Variants in FTO observed in about 807,000 individuals in gnomAD.
FTO encodes the protein alpha-ketoglutarate-dependent dioxygenase FTO.
Under a neutral mutation model 63.9 loss-of-function variants are expected in FTO, and 47 were observed. The ratio of observed to expected loss-of-function variants is 0.74; its 90% CI spans 0.58 to 0.94. The LOEUF (loss-of-function observed/expected upper bound fraction) is 0.94. Among genes scored for constraint, FTO ranks in the 40% least tolerant of loss-of-function variants. The pLI, the probability that FTO is intolerant of heterozygous loss-of-function variation, is 0.00. For missense variants in FTO, 562 were observed against 618.1 expected, an observed-to-expected ratio of 0.91 and a Z score of 0.96; for synonymous variants, 207 against 224.4, an observed-to-expected ratio of 0.92 and a Z score of 0.69.
At chr16:54,021,394 ATAGCCTACATGGCTATAC>A (rs2084595187) in intron 8 of FTO, among the ~76,000 whole-genome samples, 4 of 149,814 alleles carry the variant, frequency 2.7e-5, no homozygotes, top group Admixed American at 1.4e-4. Flanking sequence ...GGCTGGGTGT[ATAGCCTACATGGCTATAC>A]ATGGCCATGT....
chr16:54,006,943 G>A (rs1478572818), intron 8 of FTO, among the ~76,000 whole-genome samples: 2 of 152,186 alleles, frequency 1.3e-5, no homozygotes, highest in Non-Finnish European at 2.9e-5. Context: ...GTCAACATCG[G>A]GCTTGCTTTT....
At chr16:53,930,048 G>A (rs1170972910) in intron 7 of FTO, among the ~76,000 whole-genome samples, 2 of 152,096 alleles carry the variant, frequency 1.3e-5, no homozygotes, top group South Asian at 4.1e-4. Context: ...ATGTGATTAT[G>A]TCAAGGAAGT....
At chr16:53,865,491 A>G (rs1452490926) in intron 4 of FTO, among the ~76,000 whole-genome samples, 4 of 152,174 alleles carry the variant, frequency 2.6e-5, no homozygotes, top group Admixed American at 1.3e-4. Flanking sequence ...TTATTTTGCA[A>G]TGTCCTAAGG....
At chr16:53,930,417 G>C (rs1304106335) in intron 7 of FTO, among the ~76,000 whole-genome samples, 1 of 151,452 alleles carries the variant, frequency 6.6e-6, no homozygotes, top group Non-Finnish European at 1.5e-5. Flanking sequence ...TAGAGACGGG[G>C]TTTCACCGTG....
chr16:53,853,123 T>A (rs185275942), intron 4 of FTO, among the ~76,000 whole-genome samples: 11 of 152,236 alleles, frequency 7.2e-5, no homozygotes, highest in African/African-American at 2.6e-4. Context: ...CGAAACCCCA[T>A]CTCTACTAAA....
intron 7 of FTO, among the ~76,000 whole-genome samples, chr16:53,906,390 G>C (rs2081540208): frequency 6.6e-6 from 1 of 152,178 alleles, no homozygotes; most frequent in African/African-American, 2.4e-5. Flanking sequence ...ACGAATATAT[G>C]AACAGATTAG....
chr16:54,028,371 T>C (rs1176110035), intron 8 of FTO, among the ~76,000 whole-genome samples: 3 of 152,180 alleles, frequency 2.0e-5, no homozygotes, highest in Non-Finnish European at 2.9e-5. Context: ...TCAGAATATG[T>C]TGGGTGGAGT....
intron 8 of FTO, among the ~76,000 whole-genome samples, chr16:53,955,072 G>A (rs1041157395): frequency 6.6e-6 from 1 of 152,076 alleles, no homozygotes; most frequent in African/African-American, 2.4e-5. Context: ...ACCACTTCTG[G>A]AGTGTTTTAT....
chr16:54,094,205 G>A (rs1283578086), intron 8 of FTO, among the ~76,000 whole-genome samples: 1 of 152,130 alleles, frequency 6.6e-6, no homozygotes, highest in African/African-American at 2.4e-5. Flanking sequence ...TGCCCAGGTG[G>A]GAAACTTGTG....
chr16:54,104,931 T>A (rs755246177), intron 8 of FTO, among the ~76,000 whole-genome samples: 1 of 152,234 alleles, frequency 6.6e-6, no homozygotes, highest in South Asian at 2.1e-4. Flanking sequence ...GTTTTAAAAA[T>A]AGGACTTGTA....
intron 6 of FTO, among the ~76,000 whole-genome samples, chr16:53,887,315 A>T (rs970623135): frequency 6.6e-6 from 1 of 152,038 alleles, no homozygotes; most frequent in African/African-American, 2.4e-5. Context: ...ACTCATTCTG[A>T]TGGGACATAT....
intron 7 of FTO, among the ~76,000 whole-genome samples, chr16:53,929,613 G>T (rs2082232253): frequency 6.6e-6 from 1 of 152,134 alleles, no homozygotes; most frequent in Non-Finnish European, 1.5e-5. Flanking sequence ...ATAAGAAATT[G>T]CCAAACCGTT....
chr16:53,730,465 C>T (rs1401764186), intron 1 of FTO, among the ~76,000 whole-genome samples: 1 of 151,766 alleles, frequency 6.6e-6, no homozygotes, highest in Admixed American at 6.6e-5. Flanking sequence ...ATAGCATTGT[C>T]ATGATTTTTT....
chr16:54,004,299 G>GGA (rs1567510034), intron 8 of FTO, among the ~76,000 whole-genome samples: 1 of 152,056 alleles, frequency 6.6e-6, no homozygotes, highest in Non-Finnish European at 1.5e-5. Context: ...GGCGGAGGGG[G>GGA]GAGGATCACT....
At chr16:54,087,095 C>T (rs1482667182) in intron 8 of FTO, among the ~76,000 whole-genome samples, 4 of 152,158 alleles carry the variant, frequency 2.6e-5, no homozygotes, top group Non-Finnish European at 4.4e-5. Context: ...ATGACCAGGC[C>T]CTGTTTGAGC....
intron 8 of FTO, among the ~76,000 whole-genome samples, chr16:53,950,134 AAAAAAAGATATTCACATTTGT>A (rs1341477482): frequency 4.8e-5 from 7 of 146,420 alleles, no homozygotes; most frequent in African/African-American, 1.8e-4. Flanking sequence ...TTGGCAGGAA[AAAAAAAGATATTCACATTTGT>A]AAAAAAAAAA....
At chr16:53,878,886 G>T (rs573680081) in intron 5 of FTO, among the ~76,000 whole-genome samples, 13 of 152,320 alleles carry the variant, frequency 8.5e-5, no homozygotes, top group African/African-American at 3.1e-4. Flanking sequence ...TGCCTTGAGG[G>T]CTTAAGCCAA....
chr16:53,928,860 T>G lies in FTO; in HGVS notation c.1240-5125T>G, dbSNP rs183210567. On this transcript the variant is annotated intron_variant, in intron 7 of 8. Coordinates refer to ENST00000471389, the MANE Select transcript of FTO (RefSeq NM_001080432.3). The stretch of plus-strand genomic sequence containing the variant: ...TTTTATTTGTTTGTTTGGGTTTTTT[T>G]TTGAAATGGAGTCTGCTCTGTTGCC... Among the ~76,000 whole-genome samples, 284 of 152,258 alleles carry G rather than the reference T, an allele frequency of 1.9e-3. 1 individual carries two copies. The Middle Eastern group carries it at 0.021, about 11-fold the overall frequency.
chr16:53,742,751 C>G (rs1009407512), intron 1 of FTO, among the ~76,000 whole-genome samples: 1 of 152,134 alleles, frequency 6.6e-6, no homozygotes, highest in African/African-American at 2.4e-5. Context: ...ATAAACCTAA[C>G]TGGGTATTGT....
Sources: gnomAD v4.1 joint callset for allele counts (sites outside exome capture counted in the v4.1 genomes callset) on GRCh38, gnomAD v4.1.1 for gene constraint, MANE v1.5 for transcripts, NCBI Gene and HGNC (gene_info 2026-07-23, HGNC 2026-07-21) for gene names.